The following ARHGAP10 variants were observed in gnomAD, a reference collection of about 807,000 sequenced individuals.
ARHGAP10 encodes the protein rho GTPase-activating protein 10.
ARHGAP10 carries 87 observed loss-of-function variants against 108.6 expected under a neutral mutation model. That is an observed-to-expected ratio of 0.80 (90% CI 0.67 to 0.96). The LOEUF (loss-of-function observed/expected upper bound fraction) is 0.96. ARHGAP10 is among the 40% of genes least tolerant of loss of function. ARHGAP10 has a pLI of 0.00. For synonymous variants in ARHGAP10, 347 were observed against 341.1 expected (o/e 1.02, Z -0.19); for missense variants, 939 against 954.5 (o/e 0.98, Z 0.21).
intron 3 of ARHGAP10, among the ~76,000 whole-genome samples, chr4:147,842,536 C>T (rs11737346): frequency 0.67 from 101,545 of 152,092 alleles, 40,001 homozygotes; most frequent in Non-Finnish European, 0.87. Context: ...AGCCTTGTCT[C>T]GTGATCCTCT....
intron 11 of ARHGAP10, among the ~76,000 whole-genome samples, chr4:147,907,317 C>T (rs756483535): frequency 7.2e-5 from 11 of 152,064 alleles, no homozygotes; most frequent in Non-Finnish European, 1.5e-4. Context: ...GGACTAGTGG[C>T]TTTTGAGAGT....
rs34193686 is a variant in ARHGAP10, at chr4:147,793,320, ATT to A, written c.155-29395_155-29394del. ...ATAACACACACATATATATATATAT[ATT>A]TTTTTTTTTTTACAAATGTACAGTT... On this transcript the variant is annotated intron_variant, in intron 1 of 22. Coordinates refer to ENST00000336498, the MANE Select transcript of ARHGAP10 (RefSeq NM_024605.4). Among the ~76,000 whole-genome samples the A allele has an allele frequency of 5.4e-3, 784 of 145,246 alleles. 6 individuals are homozygous for A. Among genetic ancestry groups the A allele is most frequent in the Admixed American group, 0.014 (204 of 14,596 alleles).
At chr4:148,025,473 TA>T (rs1462863936) in intron 19 of ARHGAP10, among the ~76,000 whole-genome samples, 1 of 152,094 alleles carries the variant, frequency 6.6e-6, no homozygotes, top group African/African-American at 2.4e-5. Flanking sequence ...TTAAAACTAT[TA>T]TTCTCCCTTG....
chr4:147,816,144 C>T (rs1386803081), intron 1 of ARHGAP10, among the ~76,000 whole-genome samples: 2 of 152,106 alleles, frequency 1.3e-5, no homozygotes, highest in East Asian at 3.9e-4. Context: ...ATCTCCCATC[C>T]TGATGTGGCA....
rs375573967 is a variant in ARHGAP10, at chr4:147,921,550, G to T, written c.1228+8411G>T. On this transcript the variant is annotated intron_variant, in intron 13 of 22. Coordinates refer to ENST00000336498, the MANE Select transcript of ARHGAP10 (RefSeq NM_024605.4). Reference sequence around the variant, plus strand: ...GGTCATGGTGCCATATAGCATTTGGGATAATGACAGAGAGCATGTGGATGT... The same window carrying T: ...GGTCATGGTGCCATATAGCATTTGGTATAATGACAGAGAGCATGTGGATGT... Among the ~76,000 whole-genome samples the T allele has an allele frequency of 3.2e-3, 476 of 150,890 alleles. 2 individuals carry two copies. The highest frequency in any genetic ancestry group is 0.011 in the African/African-American group (447 of 40,182).
intron 15 of ARHGAP10, among the ~76,000 whole-genome samples, 199 bp from the exon 16 acceptor site, chr4:147,955,116 GC>G (rs879848471): frequency 3.3e-5 from 5 of 152,032 alleles, no homozygotes; most frequent in Non-Finnish European, 5.9e-5. Flanking sequence ...GGCTCCCTAG[GC>G]TTTGATAGTG....
At chr4:147,776,473 G>T (rs1464409905) in intron 1 of ARHGAP10, among the ~76,000 whole-genome samples, 1 of 152,128 alleles carries the variant, frequency 6.6e-6, no homozygotes, top group Non-Finnish European at 1.5e-5. Context: ...ACCCACCTTG[G>T]CCTCCCAAAG....
intron 22 of ARHGAP10, chr4:148,065,801 A>G (rs1729841762): frequency 6.6e-6 from 1 of 152,148 alleles, no homozygotes; most frequent in Non-Finnish European, 1.5e-5. Context: ...CTACTAGGAT[A>G]CCTTAGGCTG....
intron 13 of ARHGAP10, among the ~76,000 whole-genome samples, chr4:147,921,825 T>G (rs1737245011): frequency 6.6e-6 from 1 of 152,124 alleles, no homozygotes; most frequent in Non-Finnish European, 1.5e-5. Flanking sequence ...AGTCGTTTAT[T>G]CCTATGTGGG....
At chr4:147,966,912 A>G in intron 18 of ARHGAP10, 73 bp downstream of exon 18, 1 of 1,268,082 alleles carries the variant, frequency 7.9e-7, no homozygotes, top group Non-Finnish European at 1.0e-6. Context: ...ATCCTCTTAG[A>G]TTTCCCTTTT....
At chr4:147,758,280 A>T (rs1203668446) in intron 1 of ARHGAP10, among the ~76,000 whole-genome samples, 1 of 151,414 alleles carries the variant, frequency 6.6e-6, no homozygotes, top group Non-Finnish European at 1.5e-5. Flanking sequence ...AAAAAAAAAG[A>T]TTTTGATGTA....
intron 15 of ARHGAP10, among the ~76,000 whole-genome samples, chr4:147,947,433 G>T (rs535843576): frequency 6.7e-6 from 1 of 150,236 alleles, no homozygotes; most frequent in Non-Finnish European, 1.5e-5. Flanking sequence ...ATGAAGTCTC[G>T]CTCTTTTTGC....
In ARHGAP10 at chr4:147,850,265, C is replaced by T. The variant is rs114114904; in HGVS notation, c.384+3043C>T. ...GCGCTCTGTAAAATGAACCAATCAG[C>T]AGGCCGTGGACGGGGCCAAGTAAGG... On this transcript the variant is annotated intron_variant, in intron 4 of 22. Transcript: ENST00000336498. 9.8e-3 allele frequency among the ~76,000 whole-genome samples: 1,497 copies of T among 152,320 alleles called. 18 individuals are homozygous for T. Among genetic ancestry groups the T allele is most frequent in the Non-Finnish European group, 0.017 (1,184 of 68,024 alleles).
At chr4:147,756,130 C>CAAAAAAAAAAA (rs11355244) in intron 1 of ARHGAP10, among the ~76,000 whole-genome samples, 1 of 96,178 alleles carries the variant, frequency 1.0e-5, no homozygotes. Context: ...TACTAGGAGG[C>CAAAAAAAAAAA]AAAAAAAAAA....
At chr4:148,005,423 A>T (rs892317640) in intron 18 of ARHGAP10, among the ~76,000 whole-genome samples, 70 of 152,152 alleles carry the variant, frequency 4.6e-4, no homozygotes, top group Non-Finnish European at 8.7e-4. Flanking sequence ...ATCTCTATTT[A>T]AAAAAACATA....
intron 1 of ARHGAP10, among the ~76,000 whole-genome samples, chr4:147,817,944 T>G (rs1210996151): frequency 6.6e-6 from 1 of 152,226 alleles, no homozygotes; most frequent in African/African-American, 2.4e-5. Context: ...GAGAGCCTGA[T>G]GGTTTCACAC....
At chr4:147,822,257 T>C (rs7685405) in intron 1 of ARHGAP10, among the ~76,000 whole-genome samples, 103 of 152,352 alleles carry the variant, frequency 6.8e-4, no homozygotes, top group African/African-American at 2.4e-3. Context: ...GAGTGGTTAT[T>C]TGGCAATTGG....
intron 19 of ARHGAP10, among the ~76,000 whole-genome samples, chr4:148,023,963 G>T (rs1216155146): frequency 2.0e-5 from 3 of 152,250 alleles, no homozygotes; most frequent in African/African-American, 4.8e-5. Context: ...GCCAGTGGAA[G>T]TTCTCACGTC....
At position 148,047,069 on chromosome 4, in the gene ARHGAP10, T is replaced by C. The variant is rs1261273676; in HGVS notation, c.2027+18T>C. On this transcript the variant is annotated intron_variant, in intron 20 of 22. Transcript: ENST00000336498. ...TCCACTATGTAAGTAACCGTGCTTC[T>C]GTTGGGTGCTGAAGGGTGGAAGCCC... 6.2e-7 allele frequency: 1 copy of C among 1,613,558 alleles called. No homozygotes were observed. Among genetic ancestry groups the C allele is most frequent in the Non-Finnish European group, 8.5e-7 (1 of 1,179,702 alleles).
Sources: allele counts gnomAD v4.1 joint callset (sites outside exome capture counted in the v4.1 genomes callset), GRCh38; gene constraint gnomAD v4.1.1; transcripts MANE v1.5; gene names NCBI Gene and HGNC (gene_info 2026-07-23, HGNC 2026-07-21).